Variants in VTA1 observed in about 807,000 individuals in gnomAD.
The protein encoded by VTA1 is vesicle trafficking 1.
VTA1 carries 24 observed loss-of-function variants against 36.9 expected under a neutral mutation model. The ratio of observed to expected loss-of-function variants is 0.65; its 90% confidence interval spans 0.47 to 0.91. The LOEUF is 0.91. VTA1 is among the 40% of genes least tolerant of loss of function. VTA1 has a pLI of 0.00. For missense variants in VTA1, 393 were observed against 377.2 expected (o/e 1.04, Z -0.35); for synonymous variants, 142 against 130.2 (o/e 1.09, Z -0.62).
intron 5 of VTA1, among the ~76,000 whole-genome samples, chr6:142,193,064 G>A (rs768965132): frequency 3.9e-5 from 6 of 152,116 alleles, no homozygotes; most frequent in East Asian, 3.9e-4. Flanking sequence ...TAGATCACAC[G>A]TTGCATCTGG....
chr6:142,175,695 T>C (rs1029229679), intron 4 of VTA1, among the ~76,000 whole-genome samples: 6 of 152,064 alleles, frequency 3.9e-5, no homozygotes, highest in Admixed American at 3.3e-4. Context: ...TGTTTATATA[T>C]AACTTATTTT....
intron 1 of VTA1, among the ~76,000 whole-genome samples, chr6:142,150,064 A>AT (rs1369245630): frequency 6.6e-6 from 1 of 151,462 alleles, no homozygotes; most frequent in Non-Finnish European, 1.5e-5. Flanking sequence ...TTCTACTTTA[A>AT]TTTTTTATTT....
intron 1 of VTA1, among the ~76,000 whole-genome samples, chr6:142,162,608 T>G (rs1260397782): frequency 6.6e-6 from 1 of 152,168 alleles, no homozygotes; most frequent in Non-Finnish European, 1.5e-5. Context: ...ATAATTACGA[T>G]ATTTGTAATG....
intron 6 of VTA1, among the ~76,000 whole-genome samples, chr6:142,200,111 A>G (rs770672578): frequency 7.2e-5 from 11 of 152,136 alleles, no homozygotes; most frequent in Non-Finnish European, 1.3e-4. Flanking sequence ...TTTCTACCCC[A>G]TGCTAAAGCA....
chr6:142,162,485 A>T (rs1024541781), intron 1 of VTA1, among the ~76,000 whole-genome samples: 1 of 152,178 alleles, frequency 6.6e-6, no homozygotes, highest in Non-Finnish European at 1.5e-5. Flanking sequence ...ATCATGAATA[A>T]TTACCTGATG....
At chr6:142,164,141 A>G (rs1774865948) in intron 1 of VTA1, among the ~76,000 whole-genome samples, 1 of 152,146 alleles carries the variant, frequency 6.6e-6, no homozygotes, top group South Asian at 2.1e-4. Flanking sequence ...GAGAAAAGAT[A>G]CCTAATATTC....
In VTA1 at chr6:142,223,412, T is replaced by C. The variant is rs189039519; in HGVS notation, c.*4769T>C. On this transcript the variant is annotated 3_prime_UTR_variant, in exon 8 of 8. Transcript: ENST00000367630. ...TTTATTTTAAATAACATCACTGTCT[T>C]TCCTAACTAAAAATTCTTCATCTTC... is the stretch of plus-strand genomic sequence containing the variant. The C allele has an allele frequency of 4.5e-4, 68 of 152,310 alleles. No homozygotes were observed. The highest frequency in any genetic ancestry group is 1.6e-3 in the African/African-American group (65 of 41,566). 9.4% of individuals were successfully genotyped at this position (152,310 alleles called of 1,614,324 possible).
At chr6:142,181,098 T>C (rs866365369) in intron 4 of VTA1, among the ~76,000 whole-genome samples, 1 of 83,590 alleles carries the variant, frequency 1.2e-5, no homozygotes, top group Non-Finnish European at 2.6e-5. Context: ...AAAAAAAATA[T>C]ATATATATAT....
intron 7 of VTA1, among the ~76,000 whole-genome samples, chr6:142,217,130 TA>T (rs1776017649): frequency 6.6e-6 from 1 of 152,182 alleles, no homozygotes; most frequent in African/African-American, 2.4e-5. Flanking sequence ...TAACTTCTGT[TA>T]AAATTGGGAT....
At chr6:142,166,522 A>T (rs1774918056) in intron 2 of VTA1, among the ~76,000 whole-genome samples, 200 bp downstream of exon 2, 1 of 152,054 alleles carries the variant, frequency 6.6e-6, no homozygotes, top group East Asian at 1.9e-4. Context: ...TAATTAAAGT[A>T]TGTTCAAGTA....
chr6:142,214,362 CA>C (rs1439045381), intron 7 of VTA1, among the ~76,000 whole-genome samples: 1 of 152,138 alleles, frequency 6.6e-6, no homozygotes, highest in Admixed American at 6.5e-5. Flanking sequence ...GCATTTTGGT[CA>C]AAATCATTCA....
At chr6:142,159,258 G>T (rs1156581118) in intron 1 of VTA1, among the ~76,000 whole-genome samples, 4 of 151,868 alleles carry the variant, frequency 2.6e-5, no homozygotes, top group Non-Finnish European at 4.4e-5. Flanking sequence ...CAGCTACTTG[G>T]GAGGCTGAGG....
rs1776170544 is a variant in VTA1 at position 142,224,645 on chromosome 6, A to AT, written c.*6002_*6003insT. On this transcript the variant is annotated 3_prime_UTR_variant, in exon 8 of 8. Coordinates refer to ENST00000367630, the MANE Select transcript of VTA1 (RefSeq NM_016485.5). ...AAATAAATATACGAATGGGCAAAAA[A>AT]ATATATACTAAAATGATCAAATAAA... 1.3e-5 allele frequency: 2 copies of AT among 152,302 alleles called. No individual in the cohort carries two copies. Among genetic ancestry groups the AT allele is most frequent in the East Asian group, 3.9e-4 (2 of 5,178 alleles). 9.4% of individuals were successfully genotyped at this position (152,302 alleles called of 1,614,324 possible).
intron 5 of VTA1, among the ~76,000 whole-genome samples, chr6:142,192,702 T>A (rs1227293041): frequency 1.5e-4 from 23 of 149,242 alleles, no homozygotes; most frequent in Non-Finnish European, 1.2e-4. Context: ...TTTTATATAT[T>A]TGTGTGTGTG....
At chr6:142,175,879 T>G (rs915867906) in intron 4 of VTA1, among the ~76,000 whole-genome samples, 2 of 152,176 alleles carry the variant, frequency 1.3e-5, no homozygotes, top group Admixed American at 1.3e-4. Flanking sequence ...TAATATTTTG[T>G]CTGCCACTAT....
intron 7 of VTA1, among the ~76,000 whole-genome samples, chr6:142,209,715 CAG>C (rs1328034944): frequency 6.6e-6 from 1 of 150,968 alleles, no homozygotes; most frequent in African/African-American, 2.4e-5. Context: ...ATATTAATAA[CAG>C]AAAAACTATA....
At chr6:142,209,021 A>G (rs1044019289) in intron 7 of VTA1, among the ~76,000 whole-genome samples, 1 of 152,214 alleles carries the variant, frequency 6.6e-6, no homozygotes, top group South Asian at 2.1e-4. Context: ...GAATAGAGCA[A>G]TTAGGCAAAA....
intron 7 of VTA1, among the ~76,000 whole-genome samples, chr6:142,207,079 C>A (rs61410821): frequency 6.6e-6 from 1 of 152,216 alleles, no homozygotes; most frequent in African/African-American, 2.4e-5. Flanking sequence ...GAGATTGACA[C>A]CAGCAACAAC....
chr6:142,197,690 G>A (rs1775580299), intron 5 of VTA1, among the ~76,000 whole-genome samples: 1 of 152,176 alleles, frequency 6.6e-6, no homozygotes, highest in African/African-American at 2.4e-5. Flanking sequence ...TCCGCTGTCA[G>A]AAAATGGAGT....
Sources: gnomAD v4.1 joint callset for allele counts (sites outside exome capture counted in the v4.1 genomes callset) on GRCh38, gnomAD v4.1.1 for gene constraint, MANE v1.5 for transcripts, NCBI Gene and HGNC (gene_info 2026-07-23, HGNC 2026-07-21) for gene names.